Variants in FGF3 observed in about 807,000 individuals in gnomAD.
The protein encoded by FGF3 is fibroblast growth factor 3.
A neutral mutation model predicts 9.8 loss-of-function variants in FGF3; 7 were observed. The ratio of observed to expected loss-of-function variants is 0.72; its 90% CI spans 0.41 to 1.35. The LOEUF (loss-of-function observed/expected upper bound fraction) is 1.35, where lower values mean the gene tolerates loss of function less well. Among genes scored for constraint, FGF3 ranks in the 40% most tolerant of loss-of-function variants. The pLI, the probability that FGF3 is intolerant of heterozygous loss-of-function variation, is 0.01. For synonymous variants in FGF3, 173 were observed against 157.2 expected (o/e 1.10, Z -0.75); for missense variants, 390 against 345.6 (o/e 1.13, Z -1.02).
At chr11:69,813,648 GTGGA>G (rs1189837059) in intron 2 of FGF3, among the ~76,000 whole-genome samples, 6 of 80,816 alleles carry the variant, frequency 7.4e-5, no homozygotes, top group African/African-American at 2.9e-4. Context: ...GGGTGGATGG[GTGGA>G]TGGATGGATG....
chr11:69,812,805 G>A (rs1237950764), intron 2 of FGF3, among the ~76,000 whole-genome samples: 1 of 152,164 alleles, frequency 6.6e-6, no homozygotes, highest in African/African-American at 2.4e-5. Flanking sequence ...CCAGGAAATA[G>A]GCTTTCTCTT....
At chr11:69,811,300 A>G (rs572568247) in intron 2 of FGF3, among the ~76,000 whole-genome samples, 4 of 152,182 alleles carry the variant, frequency 2.6e-5, no homozygotes, top group African/African-American at 9.6e-5. Context: ...ATACAAAAAA[A>G]TTAGCCGGGT....
At chr11:69,813,680 A>ATGGATGGG (rs1856067424) in intron 2 of FGF3, among the ~76,000 whole-genome samples, 5 of 104,100 alleles carry the variant, frequency 4.8e-5, no homozygotes, top group African/African-American at 1.9e-4. Context: ...GGCTGGATGG[A>ATGGATGGG]TGGATGGGTG....
chr11:69,816,151 C>T (rs1242511658), intron 2 of FGF3, among the ~76,000 whole-genome samples, 169 bp downstream of exon 2: 3 of 152,160 alleles, frequency 2.0e-5, no homozygotes, highest in African/African-American at 2.4e-5. Flanking sequence ...CTAACAGACA[C>T]AGCCAAAGAT....
At chr11:69,813,060 T>C (rs1386488617) in intron 2 of FGF3, among the ~76,000 whole-genome samples, 1 of 152,152 alleles carries the variant, frequency 6.6e-6, no homozygotes, top group African/African-American at 2.4e-5. Context: ...ATGTGTGTCC[T>C]GACACTGCCG....
chr11:69,810,585 G>C lies in FGF3; in HGVS notation c.440C>G (p.Pro147Arg), dbSNP rs1004481058. ...CACGTACCACAGTCTCTCGGCGCTG[G>C]GCTGCCGGCGGGCCCCAGGCGTACT... ...VSSTPGARRQ[P>R]SAERLWYVSV... The change falls in exon 3 of 3, where the codon CCC becomes CGC. Residue 147 changes from proline (P) to arginine (R), a missense_variant. Pro to Arg is a moderately radical substitution (Grantham distance 103, BLOSUM62 -2). Coordinates refer to ENST00000334134, the MANE Select transcript of FGF3 (RefSeq NM_005247.4). The C allele has an allele frequency of 1.2e-6, 2 of 1,611,532 alleles. No homozygotes were observed. The highest frequency in any genetic ancestry group is 1.7e-5 in the Admixed American group (1 of 59,992).
In FGF3 at chr11:69,810,517, G is replaced by A. The variant is rs782512706; in HGVS notation, c.508C>T (p.Arg170Cys). ...AACAGGGAGGACTTCTGTGTGCGGC[G>A]GGTCTTGAAGCCCCTGCGGGGCCGG... ...KGRPRRGFKT[R>C]RTQKSSLFLP... Residue 170 changes from arginine to cysteine, a missense_variant, in exon 3 of 3, where the codon CGC becomes TGC. Arg to Cys is a radical substitution (Grantham distance 180). Transcript: ENST00000334134. 7.5e-6 allele frequency: 12 copies of A among 1,610,600 alleles called. No individual in the cohort carries two copies. The highest frequency in any genetic ancestry group is 2.7e-5 in the African/African-American group (2 of 74,916).
In FGF3 at chr11:69,810,622, G is replaced by C. The variant is rs574433541; in HGVS notation, c.403C>G (p.Arg135Gly). Residue 135 changes from arginine to glycine, a missense_variant, in exon 3 of 3, where the codon CGG becomes GGG. By Grantham distance (125) the Arg-to-Gly change is moderately radical (BLOSUM62 -2). Transcript: ENST00000334134. ...GCCCCAGGCGTACTAGACACCGTCCGGTACAGCCGGGAGGCATACGTATTA... is the reference window on the plus strand; with the variant it reads ...GCCCCAGGCGTACTAGACACCGTCCCGTACAGCCGGGAGGCATACGTATTA... ...GYNTYASRLY[R>G]TVSSTPGARR... The C allele has an allele frequency of 1.2e-6, 2 of 1,606,104 alleles. No individual in the cohort carries two copies. The highest frequency in any genetic ancestry group is 1.7e-5 in the Admixed American group (1 of 59,656).
intron 2 of FGF3, among the ~76,000 whole-genome samples, chr11:69,815,745 C>T (rs2119927640): frequency 6.6e-6 from 1 of 152,302 alleles, no homozygotes; most frequent in African/African-American, 2.4e-5. Flanking sequence ...AGTAAGGAGA[C>T]CCTTTTTGGT....
rs1856201664 is a variant in FGF3, at chr11:69,819,321, G to T, written c.-388C>A. Among the ~76,000 whole-genome samples, 1 of 151,384 alleles carries T rather than the reference G, an allele frequency of 6.6e-6. No homozygotes were observed. The highest frequency in any genetic ancestry group is 6.6e-5 in the Admixed American group (1 of 15,224). ...CCCGCGGGGCTCGGGGTTCGGGCCGGGCGCCGTCTGCATACACTCGCCGCC... is the reference window on the plus strand; with the variant it reads ...CCCGCGGGGCTCGGGGTTCGGGCCGTGCGCCGTCTGCATACACTCGCCGCC... On this transcript the variant is annotated 5_prime_UTR_variant, in exon 1 of 3. Coordinates refer to ENST00000334134, the MANE Select transcript of FGF3 (RefSeq NM_005247.4).
At chr11:69,814,126 G>A (rs1440133603) in intron 2 of FGF3, among the ~76,000 whole-genome samples, 2 of 152,034 alleles carry the variant, frequency 1.3e-5, no homozygotes, top group Non-Finnish European at 2.9e-5. Flanking sequence ...GAGAATAAAG[G>A]AAGGGGAAAG....
chr11:69,816,261 G>T, intron 2 of FGF3, 59 bp downstream of exon 2: 1 of 1,308,704 alleles, frequency 7.6e-7, no homozygotes, highest in Non-Finnish European at 1.1e-6. Context: ...CCCCTGGCTT[G>T]ATGTGCAGGC....
chr11:69,819,074 G>C lies in FGF3; in HGVS notation c.-141C>G. The C allele has an allele frequency of 2.0e-6, 1 of 491,728 alleles. No individual in the cohort carries two copies. Among genetic ancestry groups the C allele is most frequent in the Non-Finnish European group, 3.4e-6 (1 of 290,162 alleles). 30.5% of individuals were successfully genotyped at this position (491,728 alleles called of 1,614,324 possible). ...TGCTGACTCCGGCTTCGCGGGAAAG[G>C]TGGGGGAAGAAGGGGGAAGGGTGGG... is the stretch of plus-strand genomic sequence containing the variant. On this transcript the variant is annotated 5_prime_UTR_variant, in exon 1 of 3. Coordinates refer to ENST00000334134, the MANE Select transcript of FGF3 (RefSeq NM_005247.4).
chr11:69,812,614 G>T (rs1217300069), intron 2 of FGF3, among the ~76,000 whole-genome samples: 4 of 152,190 alleles, frequency 2.6e-5, no homozygotes, highest in Non-Finnish European at 5.9e-5. Context: ...ATAGCCTGGG[G>T]CTCAGCGACT....
chr11:69,810,275 A>G lies in FGF3; in HGVS notation c.*30T>C, dbSNP rs1856001616. On this transcript the variant is annotated 3_prime_UTR_variant, in exon 3 of 3. Coordinates refer to ENST00000334134, the MANE Select transcript of FGF3 (RefSeq NM_005247.4). The stretch of plus-strand genomic sequence containing the variant: ...GAGGCTGCCACGCCAAGATGTCGCC[A>G]GGAGCTCTGGCGGTGGCCACCAGGC... 2 of 1,531,786 alleles carry G rather than the reference A, an allele frequency of 1.3e-6. No individual in the cohort carries two copies. Among genetic ancestry groups the G allele is most frequent in the Non-Finnish European group, 1.8e-6 (2 of 1,132,994 alleles). The allele number at this position is 1,531,786 out of a possible 1,614,324, so 94.9% of individuals were successfully genotyped here.
In FGF3 at chr11:69,810,341, C is replaced by G. The variant is rs781790410; in HGVS notation, c.684G>C (p.Ser228=). ...DNLEPSHVQA[S]RLGSQLEASA... ...TGGCCTCCAGCTGGGAGCCCAGTCT[C>G]GAAGCCTGAACGTGAGAGGGCTCCA... Residue 228 remains serine, a synonymous_variant, in exon 3 of 3, where the codon TCG becomes TCC. Transcript: ENST00000334134. 2.6e-6 allele frequency: 4 copies of G among 1,568,346 alleles called. No individual in the cohort carries two copies. Among genetic ancestry groups the G allele is most frequent in the Non-Finnish European group, 3.5e-6 (4 of 1,151,706 alleles).
chr11:69,812,201 C>T (rs557393868), intron 2 of FGF3, among the ~76,000 whole-genome samples: 1 of 152,202 alleles, frequency 6.6e-6, no homozygotes, highest in Non-Finnish European at 1.5e-5. Context: ...GTCGGAGGCC[C>T]TCATGGTCTG....
intron 1 of FGF3, 46 bp from the exon 2 acceptor site, chr11:69,816,469 G>A (rs1049835777): frequency 4.7e-6 from 7 of 1,494,026 alleles, no homozygotes; most frequent in Non-Finnish European, 6.5e-6. Flanking sequence ...CCCACGGAGG[G>A]GGCGGCTGAG....
chr11:69,814,730 C>T (rs978389213), intron 2 of FGF3, among the ~76,000 whole-genome samples: 1 of 152,150 alleles, frequency 6.6e-6, no homozygotes, highest in South Asian at 2.1e-4. Context: ...CTCCACTGGG[C>T]ACTCTGGAAA....
Sources: gnomAD v4.1 joint callset for allele counts (sites outside exome capture counted in the v4.1 genomes callset) on GRCh38, gnomAD v4.1.1 for gene constraint, MANE v1.5 for transcripts, NCBI Gene and HGNC (gene_info 2026-07-23, HGNC 2026-07-21) for gene names.